GABRG1: variants seen among roughly 807,000 people sequenced by gnomAD.
GABRG1 encodes gamma-aminobutyric acid receptor subunit gamma-1.
In GABRG1, 49 loss-of-function variants were observed where a neutral mutation model predicts 49.8. The observed-to-expected ratio is 0.98, with a 90% CI of 0.78 to 1.25. GABRG1 has a LOEUF of 1.25. Among genes scored for constraint, GABRG1 ranks in the 50% most tolerant of loss-of-function variants. GABRG1 has a pLI of 0.00. For missense variants in GABRG1, 552 were observed against 552.3 expected, an observed-to-expected ratio of 1.00 and a Z score of 0.01; for synonymous variants, 232 against 185.1, an observed-to-expected ratio of 1.25 and a Z score of -2.06.
chr4:46,044,186 G>C (rs1212590813), intron 8 of GABRG1, among the ~76,000 whole-genome samples: 1 of 151,970 alleles, frequency 6.6e-6, no homozygotes, highest in African/African-American at 2.4e-5. Context: ...AAATCAACAG[G>C]AGAAGGCTGG....
chr4:46,117,490 CA>C (rs968585271), intron 1 of GABRG1, among the ~76,000 whole-genome samples: 5 of 148,498 alleles, frequency 3.4e-5, no homozygotes, highest in African/African-American at 7.4e-5. Flanking sequence ...AATCTATATA[CA>C]AAAAATTCTA....
chr4:46,078,859 C>G (rs1719457461), intron 3 of GABRG1, among the ~76,000 whole-genome samples: 1 of 151,792 alleles, frequency 6.6e-6, no homozygotes, highest in Admixed American at 6.6e-5. Context: ...AAGATAGATA[C>G]CTCAAGGTAG....
intron 2 of GABRG1, among the ~76,000 whole-genome samples, chr4:46,090,848 G>T (rs1181264144): frequency 6.6e-6 from 1 of 151,582 alleles, no homozygotes; most frequent in East Asian, 2.0e-4. Context: ...GAACAGAGCA[G>T]CTTAGAGCTT....
intron 5 of GABRG1, among the ~76,000 whole-genome samples, chr4:46,060,625 A>C (rs1453827063): frequency 6.6e-6 from 1 of 152,192 alleles, no homozygotes; most frequent in African/African-American, 2.4e-5. Flanking sequence ...TTTCAAAAAT[A>C]GTATATCCAT....
chr4:46,077,302 A>G (rs1405656159), intron 3 of GABRG1, among the ~76,000 whole-genome samples: 1 of 151,968 alleles, frequency 6.6e-6, no homozygotes. Context: ...AAGTATAATA[A>G]TAGCAATAAA....
At position 46,118,132 on chromosome 4, in the gene GABRG1, G is replaced by GTGTATATATATATATATATATATA. The variant is rs377481920; in HGVS notation, c.104+5677_104+5678insTATATATATATATATATATATACA. ...TATATACATATATACGTGTGTGTGT[G>GTGTATATATATATATATATATATA]TATATATATATATACAGCTACAGTA... On this transcript the variant is annotated intron_variant, in intron 1 of 8. Coordinates refer to ENST00000295452, the MANE Select transcript of GABRG1 (RefSeq NM_173536.4). Among the ~76,000 whole-genome samples, 7 of 109,966 alleles carry GTGTATATATATATATATATATATA rather than the reference G, an allele frequency of 6.4e-5. 2 individuals carry two copies. Among genetic ancestry groups the GTGTATATATATATATATATATATA allele is most frequent in the African/African-American group, 3.4e-4 (6 of 17,896 alleles). The allele number at this position is 109,966 out of a possible 152,430, so 72.1% of individuals were successfully genotyped here. A position where few individuals can be genotyped will look rare whatever the true frequency, so the allele number is the denominator to read the frequency against.
At chr4:46,113,624 G>A (rs1720788087) in intron 1 of GABRG1, among the ~76,000 whole-genome samples, 1 of 151,044 alleles carries the variant, frequency 6.6e-6, no homozygotes. Context: ...TGCCCATTTG[G>A]ACAAAAAGAT....
chr4:46,072,773 A>G (rs1719179176), intron 3 of GABRG1, among the ~76,000 whole-genome samples: 1 of 152,054 alleles, frequency 6.6e-6, no homozygotes, highest in Non-Finnish European at 1.5e-5. Flanking sequence ...CAGAAAAACC[A>G]TTGTGATGCT....
At chr4:46,085,047 TA>T (rs1444345458) in intron 2 of GABRG1, among the ~76,000 whole-genome samples, 1 of 151,578 alleles carries the variant, frequency 6.6e-6, no homozygotes, top group East Asian at 1.9e-4. Context: ...TAAGTAGTTA[TA>T]ACTGGTATAA....
At chr4:46,118,896 C>G (rs1195649820) in intron 1 of GABRG1, among the ~76,000 whole-genome samples, 1 of 151,270 alleles carries the variant, frequency 6.6e-6, no homozygotes, top group Non-Finnish European at 1.5e-5. Flanking sequence ...GATAAGCTAT[C>G]CATTACCATG....
intron 1 of GABRG1, among the ~76,000 whole-genome samples, chr4:46,103,788 T>A (rs1337666495): frequency 6.6e-6 from 1 of 151,386 alleles, no homozygotes; most frequent in Admixed American, 6.6e-5. Context: ...GACTGGGTGG[T>A]TTTGCTATCC....
rs1405944201 is a variant in GABRG1 at position 46,054,134 on chromosome 4, G to C, written c.917-2496C>G. On this transcript the variant is annotated intron_variant, in intron 7 of 8. Coordinates refer to ENST00000295452, the MANE Select transcript of GABRG1 (RefSeq NM_173536.4). ...TTTCCCCATTGCTTGTTTTTCTCAG[G>C]TTTGTCAAAGATCAGATAGTTGTAG... Among the ~76,000 whole-genome samples, 7 of 50,736 alleles carry C rather than the reference G, an allele frequency of 1.4e-4. 1 individual carries two copies. Among genetic ancestry groups the C allele is most frequent in the African/African-American group, 5.6e-4 (5 of 8,940 alleles). The allele number at this position is 50,736 out of a possible 152,430, so 33.3% of individuals were successfully genotyped here.
Position 46,100,231 on chromosome 4 carries a change from A to T in GABRG1, c.105-2882T>A, listed in dbSNP as rs547027893. Among the ~76,000 whole-genome samples, 33 of 151,762 alleles carry T rather than the reference A, an allele frequency of 2.2e-4. 2 individuals carry two copies. Among genetic ancestry groups the T allele is most frequent in the African/African-American group, 6.8e-4 (28 of 41,464 alleles). ...ATAAGCTGAGGAATTAGAAATACTG[A>T]GTTGTCACATGTTCTCATTTATAAG... On this transcript the variant is annotated intron_variant, in intron 1 of 8. Coordinates refer to ENST00000295452, the MANE Select transcript of GABRG1 (RefSeq NM_173536.4).
chr4:46,076,393 A>ATG (rs1560360814), intron 3 of GABRG1, among the ~76,000 whole-genome samples: 1 of 140,700 alleles, frequency 7.1e-6, no homozygotes, highest in South Asian at 2.2e-4. Flanking sequence ...ATATATATAT[A>ATG]TATATATATA....
At chr4:46,078,272 G>A (rs964296785) in intron 3 of GABRG1, among the ~76,000 whole-genome samples, 2 of 152,012 alleles carry the variant, frequency 1.3e-5, no homozygotes, top group Admixed American at 1.3e-4. Flanking sequence ...ATGCAGGTCA[G>A]TTATCTAAAT....
intron 1 of GABRG1, among the ~76,000 whole-genome samples, chr4:46,101,800 GTC>G (rs1009569900): frequency 6.6e-6 from 1 of 151,512 alleles, no homozygotes; most frequent in African/African-American, 2.4e-5. Context: ...CTTGTTAAGA[GTC>G]TGTAAAAACA....
At chr4:46,101,014 A>T (rs189521165) in intron 1 of GABRG1, among the ~76,000 whole-genome samples, 25 of 151,732 alleles carry the variant, frequency 1.6e-4, no homozygotes, top group African/African-American at 5.8e-4. Context: ...AGTACTTCAT[A>T]ATTTTAAAAA....
At chr4:46,088,108 A>C (rs1244569153) in intron 2 of GABRG1, among the ~76,000 whole-genome samples, 2 of 152,062 alleles carry the variant, frequency 1.3e-5, no homozygotes, top group Admixed American at 6.6e-5. Context: ...AGTTTTAATG[A>C]ACAATGTTCA....
chr4:46,062,744 G>A (rs934598530), intron 5 of GABRG1, among the ~76,000 whole-genome samples: 10 of 152,130 alleles, frequency 6.6e-5, no homozygotes, highest in African/African-American at 1.4e-4. Context: ...GTTTGCAGAC[G>A]ACATCATTGT....
Sources: gnomAD v4.1 joint callset for allele counts (sites outside exome capture counted in the v4.1 genomes callset) on GRCh38, gnomAD v4.1.1 for gene constraint, MANE v1.5 for transcripts, NCBI Gene and HGNC (gene_info 2026-07-23, HGNC 2026-07-21) for gene names.